Variants in TBC1D5 observed in about 807,000 individuals in gnomAD.
The protein encoded by TBC1D5 is TBC1 domain family member 5.
Under a neutral mutation model 100.3 loss-of-function variants are expected in TBC1D5, and 75 were observed. That is an observed-to-expected ratio of 0.75 (90% confidence interval 0.62 to 0.91). The LOEUF (loss-of-function observed/expected upper bound fraction) is 0.91. Ranked by LOEUF, TBC1D5 falls within the 40% of genes least tolerant of loss-of-function variation. The pLI is 0.00. For missense variants in TBC1D5, 910 were observed against 942.4 expected (o/e 0.97, Z 0.45); for synonymous variants, 323 against 325.6 (o/e 0.99, Z 0.09).
chr3:17,627,082 G>A (rs1354265890), intron 1 of TBC1D5, among the ~76,000 whole-genome samples: 2 of 152,298 alleles, frequency 1.3e-5, no homozygotes, highest in East Asian at 3.9e-4. Context: ...AGGCTGCAGA[G>A]GAGTCATCTA....
chr3:17,533,104 C>CAA (rs2096249200), intron 2 of TBC1D5, among the ~76,000 whole-genome samples: 1 of 151,056 alleles, frequency 6.6e-6, no homozygotes, highest in Non-Finnish European at 1.5e-5. Context: ...CACACACACA[C>CAA]ACTTCCAATT....
intron 3 of TBC1D5, among the ~76,000 whole-genome samples, chr3:17,438,001 T>C (rs1053347070): frequency 7.9e-5 from 12 of 152,190 alleles, no homozygotes; most frequent in Admixed American, 6.5e-5. Flanking sequence ...CATTGAGCTA[T>C]GCCAACTTCA....
chr3:17,681,601 T>A (rs2069485563), intron 1 of TBC1D5, among the ~76,000 whole-genome samples: 1 of 151,696 alleles, frequency 6.6e-6, no homozygotes, highest in African/African-American at 2.4e-5. Flanking sequence ...TATCAACATA[T>A]GTGACATGTA....
chr3:17,489,053 C>T (rs2095605831), intron 3 of TBC1D5, among the ~76,000 whole-genome samples: 1 of 151,468 alleles, frequency 6.6e-6, no homozygotes, highest in Non-Finnish European at 1.5e-5. Flanking sequence ...AAAGCCAGTC[C>T]CTGGTGCCAA....
At chr3:17,407,940 A>G (rs2152459037) in intron 4 of TBC1D5, among the ~76,000 whole-genome samples, 1 of 152,268 alleles carries the variant, frequency 6.6e-6, no homozygotes, top group East Asian at 1.9e-4. Flanking sequence ...TTGTACTATT[A>G]GTGAACTAAA....
chr3:17,342,607 T>C (rs561067129), intron 13 of TBC1D5, among the ~76,000 whole-genome samples: 1 of 152,342 alleles, frequency 6.6e-6, no homozygotes, highest in Admixed American at 6.5e-5. Context: ...AAATTTTTCC[T>C]TATTCCAAAA....
chr3:17,518,668 C>T (rs992375770), intron 2 of TBC1D5, among the ~76,000 whole-genome samples: 1 of 152,250 alleles, frequency 6.6e-6, no homozygotes, highest in African/African-American at 2.4e-5. Flanking sequence ...AAGGCTGTCA[C>T]ACTGATTCTT....
At position 17,357,872 on chromosome 3, in the gene TBC1D5, T is replaced by C. The variant is rs925730755; in HGVS notation, c.995+14203A>G. ...ACTGAAAGAACAGGTATAGAAAAGA[T>C]ACTTTATAAATATTACATTTCTCTG... On this transcript the variant is annotated intron_variant, in intron 13 of 21. Transcript: ENST00000253692. Among the ~76,000 whole-genome samples, 8 of 152,210 alleles carry C rather than the reference T, an allele frequency of 5.3e-5. 1 individual carries two copies. The highest frequency in any genetic ancestry group is 4.4e-5 in the Non-Finnish European group (3 of 68,034).
intron 4 of TBC1D5, among the ~76,000 whole-genome samples, chr3:17,407,207 C>T (rs2093794698): frequency 6.6e-6 from 1 of 152,098 alleles, no homozygotes; most frequent in African/African-American, 2.4e-5. Context: ...CATGCAGACA[C>T]CAGGGGCCTA....
chr3:17,504,898 C>T (rs1470772191), intron 3 of TBC1D5, among the ~76,000 whole-genome samples: 1 of 152,144 alleles, frequency 6.6e-6, no homozygotes, highest in Non-Finnish European at 1.5e-5. Context: ...CGACATCAGT[C>T]AACTATTTTA....
At chr3:17,449,003 G>A (rs1434876035) in intron 3 of TBC1D5, among the ~76,000 whole-genome samples, 1 of 152,186 alleles carries the variant, frequency 6.6e-6, no homozygotes, top group Non-Finnish European at 1.5e-5. Context: ...CAATGCAGAA[G>A]GCAGGTGATT....
chr3:17,216,011 G>A (rs1559426093), intron 17 of TBC1D5, among the ~76,000 whole-genome samples: 2 of 152,070 alleles, frequency 1.3e-5, no homozygotes, highest in East Asian at 1.9e-4. Flanking sequence ...GAACCTAGGG[G>A]TAAGGAGGTA....
intron 16 of TBC1D5, among the ~76,000 whole-genome samples, chr3:17,243,141 G>A (rs2076441918): frequency 6.6e-6 from 1 of 152,134 alleles, no homozygotes; most frequent in Non-Finnish European, 1.5e-5. Context: ...TTTTAGGACG[G>A]TCATAATCTT....
rs963175762 is a variant in TBC1D5, at chr3:17,273,405, T to C, written c.1246-14814A>G. Among the ~76,000 whole-genome samples the C allele has an allele frequency of 1.1e-3, 175 of 152,312 alleles. 1 individual carries two copies. The highest frequency in any genetic ancestry group is 4.1e-3 in the African/African-American group (171 of 41,572). On this transcript the variant is annotated intron_variant, in intron 15 of 21. Coordinates refer to ENST00000253692, the Ensembl canonical transcript of TBC1D5. The stretch of plus-strand genomic sequence containing the variant: ...ACTTATACTCGAAGACTCCTAAGTC[T>C]GTAATTCTGGTCCAGATCCCTTCTT...
At chr3:17,678,666 T>TAAAAAAAAAAAAAAAAA in intron 1 of TBC1D5, among the ~76,000 whole-genome samples, 1 of 109,100 alleles carries the variant, frequency 9.2e-6, no homozygotes, top group Non-Finnish European at 1.8e-5. Context: ...AAAAGAGGGA[T>TAAAAAAAAAAAAAAAAA]AAAAAAAAAA....
chr3:17,276,076 A>G (rs2079971764), intron 15 of TBC1D5, among the ~76,000 whole-genome samples: 1 of 152,220 alleles, frequency 6.6e-6, no homozygotes, highest in Non-Finnish European at 1.5e-5. Context: ...ACAAAATACC[A>G]TAAACTAAGT....
At chr3:17,682,903 T>C (rs1266597436) in intron 1 of TBC1D5, among the ~76,000 whole-genome samples, 1 of 151,480 alleles carries the variant, frequency 6.6e-6, no homozygotes, top group Non-Finnish European at 1.5e-5. Context: ...CATACCAATA[T>C]CACCCAAACT....
intron 18 of TBC1D5, among the ~76,000 whole-genome samples, chr3:17,193,201 G>C (rs1208388723): frequency 6.6e-6 from 1 of 152,216 alleles, no homozygotes; most frequent in Admixed American, 6.5e-5. Context: ...TGCTGCTTCA[G>C]CTGGCTCTAA....
chr3:17,401,710 C>G (rs1249668220), intron 8 of TBC1D5, among the ~76,000 whole-genome samples: 1 of 152,050 alleles, frequency 6.6e-6, no homozygotes, highest in Admixed American at 6.6e-5. Context: ...TAATCCTGCT[C>G]ATTAGACAGA....
Sources: gnomAD v4.1 joint callset for allele counts (sites outside exome capture counted in the v4.1 genomes callset) on GRCh38, gnomAD v4.1.1 for gene constraint, MANE v1.5 for transcripts, NCBI Gene and HGNC (gene_info 2026-07-23, HGNC 2026-07-21) for gene names.